The following RNF10 variants were observed in gnomAD, a reference collection of about 807,000 sequenced individuals.
RNF10 encodes E3 ubiquitin-protein ligase RNF10.
Under a neutral mutation model 91.4 loss-of-function variants are expected in RNF10, and 38 were observed. That is an observed-to-expected ratio of 0.42 (90% CI 0.32 to 0.54). RNF10 has a LOEUF of 0.54. RNF10 is among the 20% of genes least tolerant of loss of function. The pLI is 0.16. For missense variants in RNF10, 945 were observed against 1,012.0 expected, an observed-to-expected ratio of 0.93 and a Z score of 0.90; for synonymous variants, 364 against 366.3, an observed-to-expected ratio of 0.99 and a Z score of 0.07.
intron 6 of RNF10, among the ~76,000 whole-genome samples, chr12:120,559,379 C>CT (rs1306475766): frequency 6.6e-6 from 1 of 150,690 alleles, no homozygotes. Context: ...GTGTGTTGTG[C>CT]TTTTTTTGTT....
intron 14 of RNF10, among the ~76,000 whole-genome samples, chr12:120,572,001 G>C (rs993979888): frequency 6.6e-6 from 1 of 151,850 alleles, no homozygotes; most frequent in Admixed American, 6.6e-5. Context: ...CTTGACATGT[G>C]CCCTTGTAAG....
Position 120,534,504 on chromosome 12 carries a change from CGGCCGGCG to C in RNF10, c.-305_-298del, listed in dbSNP as rs1870429416. 3.8e-6 allele frequency: 1 copy of C among 260,362 alleles called. No homozygotes were observed. Among genetic ancestry groups the C allele is most frequent in the African/African-American group, 2.3e-5 (1 of 43,648 alleles). The allele number at this position is 260,362 out of a possible 1,614,324, so 16.1% of individuals were successfully genotyped here. On this transcript the variant is annotated 5_prime_UTR_variant, in exon 1 of 17. Coordinates refer to ENST00000325954, the MANE Select transcript of RNF10 (RefSeq NM_014868.5). ...CGGCGGGAGAGCGTGTCCGGCCGGC[CGGCCGGCG>C]GGGCTCGCGCAACCTCCCTCGCCTC...
intron 1 of RNF10, chr12:120,539,542 C>T (rs903447380): frequency 9.8e-6 from 6 of 612,964 alleles, no homozygotes; most frequent in Non-Finnish European, 1.6e-5. Context: ...ACCTCTAGGC[C>T]GAGCCACCTG....
chr12:120,545,498 A>T (rs1267321672), intron 1 of RNF10, among the ~76,000 whole-genome samples: 1 of 151,328 alleles, frequency 6.6e-6, no homozygotes, highest in African/African-American at 2.4e-5. Context: ...GGCCATTTTT[A>T]AAAAGGATAT....
At chr12:120,575,219 A>G in intron 14 of RNF10, 1 of 174,036 alleles carries the variant, frequency 5.7e-6, no homozygotes, top group Non-Finnish European at 1.2e-5. Flanking sequence ...CTGGGCAACA[A>G]GAGCTAAACT....
intron 3 of RNF10, among the ~76,000 whole-genome samples, chr12:120,554,165 A>G (rs1292813232): frequency 6.6e-6 from 1 of 151,824 alleles, no homozygotes; most frequent in Non-Finnish European, 1.5e-5. Flanking sequence ...TCGGCCTCCC[A>G]AAGTGCTGGG....
At chr12:120,569,156 A>G (rs1876215292) in intron 13 of RNF10, among the ~76,000 whole-genome samples, 1 of 152,012 alleles carries the variant, frequency 6.6e-6, no homozygotes, top group South Asian at 2.1e-4. Context: ...TTTAGTAGAG[A>G]CAGGGTTTCT....
At chr12:120,535,169 T>C (rs938494279) in intron 1 of RNF10, among the ~76,000 whole-genome samples, 3 of 152,228 alleles carry the variant, frequency 2.0e-5, no homozygotes, top group African/African-American at 4.8e-5. Flanking sequence ...ACATTAATAC[T>C]CAAAACTGCT....
Position 120,554,741 on chromosome 12 carries a change from A to G in RNF10, c.578A>G (p.Asp193Gly). The G allele has an allele frequency of 6.2e-7, 1 of 1,613,812 alleles. No homozygotes were observed. The highest frequency in any genetic ancestry group is 8.5e-7 in the Non-Finnish European group (1 of 1,179,896). Residue 193 changes from aspartate (D) to glycine (G), a missense_variant, in exon 4 of 17, where the codon GAC becomes GGC. Asp to Gly is a moderately conservative substitution (Grantham distance 94). Coordinates refer to ENST00000325954, the MANE Select transcript of RNF10 (RefSeq NM_014868.5). ...AGCTGCCAATTTGTGGTGTCTGAAG[A>G]CCAAGACTACACAGCTCATTTTGCT... The part of the protein sequence containing the change: ...QANCQFVVSE[D>G]QDYTAHFADP...
chr12:120,538,895 C>T (rs1871193282), intron 1 of RNF10, among the ~76,000 whole-genome samples: 1 of 152,184 alleles, frequency 6.6e-6, no homozygotes, highest in South Asian at 2.1e-4. Context: ...TGCCTCTGAG[C>T]TGTAAATGGA....
chr12:120,563,596 A>G lies in RNF10; in HGVS notation c.1504A>G (p.Ser502Gly). The change falls in exon 9 of 17, where the codon AGC becomes GGC. Residue 502 changes from serine (S) to glycine (G), a missense_variant. By Grantham distance (56) the Ser-to-Gly change is moderately conservative (BLOSUM62 0). Coordinates refer to ENST00000325954, the MANE Select transcript of RNF10 (RefSeq NM_014868.5). The stretch of plus-strand genomic sequence containing the variant: ...CAAGTCAGGCTTCACACGCCTCAGC[A>G]GCTCTCCTTGTTACTACTTTTACCA... Reference protein sequence around the residue: ...ITKSGFTRLSSSPCYYFYQAE... With the variant: ...ITKSGFTRLSGSPCYYFYQAE... 6.2e-7 allele frequency: 1 copy of G among 1,608,186 alleles called. No individual in the cohort carries two copies. Among genetic ancestry groups the G allele is most frequent in the Non-Finnish European group, 8.5e-7 (1 of 1,176,834 alleles).
Position 120,565,116 on chromosome 12 carries a change from C to T in RNF10, c.1710C>T (p.Thr570=), listed in dbSNP as rs569154073. The T allele has an allele frequency of 3.7e-6, 6 of 1,614,008 alleles. No individual in the cohort carries two copies. Among genetic ancestry groups the T allele is most frequent in the East Asian group, 4.5e-5 (2 of 44,890 alleles). ...RHRYLSHLPL[T]CEFSICELAL... is the part of the protein sequence containing the mutation. ...GATATCTCTCTCACTTGCCACTCAC[C>T]TGTGAGTTCAGCATCTGTGAACTGG... Residue 570 remains threonine (T), a synonymous_variant, in exon 11 of 17, where the codon ACC becomes ACT. Transcript: ENST00000325954.
chr12:120,564,022 G>T (rs75323518), intron 10 of RNF10, 79 bp downstream of exon 10: 4 of 1,535,900 alleles, frequency 2.6e-6, no homozygotes, highest in Non-Finnish European at 3.6e-6. Context: ...GCCATCCTAA[G>T]TTCACAAACC....
intron 7 of RNF10, 92 bp from the exon 8 acceptor site, chr12:120,562,852 TC>T (rs1219190026): frequency 6.6e-7 from 1 of 1,506,944 alleles, no homozygotes; most frequent in African/African-American, 1.4e-5. Context: ...TAACTTTTGG[TC>T]CTGTTGAGAG....
At chr12:120,552,770 G>GCAC in intron 3 of RNF10, 72 bp downstream of exon 3, 6 of 1,366,800 alleles carry the variant, frequency 4.4e-6, no homozygotes, top group Non-Finnish European at 5.0e-6. Flanking sequence ...TCTGTGAGAG[G>GCAC]CTTTTTTTAA....
intron 1 of RNF10, among the ~76,000 whole-genome samples, chr12:120,535,793 T>G (rs1301005776): frequency 6.6e-6 from 1 of 152,148 alleles, no homozygotes; most frequent in Non-Finnish European, 1.5e-5. Flanking sequence ...TACCTTTAAT[T>G]GAGGGCTTAC....
At chr12:120,551,897 C>G in intron 2 of RNF10, among the ~76,000 whole-genome samples, 1 of 152,068 alleles carries the variant, frequency 6.6e-6, no homozygotes, top group Non-Finnish European at 1.5e-5. Context: ...AATTGACTCA[C>G]AGTTCTGCAG....
At chr12:120,555,667 T>C (rs1873877442) in intron 4 of RNF10, among the ~76,000 whole-genome samples, 1 of 150,094 alleles carries the variant, frequency 6.7e-6, no homozygotes, top group Admixed American at 6.7e-5. Flanking sequence ...TTTTTTTGTA[T>C]TTTTTTTTAG....
chr12:120,563,130 AG>A, intron 8 of RNF10, 60 bp downstream of exon 8: 2 of 1,609,174 alleles, frequency 1.2e-6, no homozygotes, highest in Non-Finnish European at 1.7e-6. Flanking sequence ...TTGAGCTGGT[AG>A]GCATTACTGT....
Sources: allele counts gnomAD v4.1 joint callset (sites outside exome capture counted in the v4.1 genomes callset), GRCh38; gene constraint gnomAD v4.1.1; transcripts MANE v1.5; gene names NCBI Gene and HGNC (gene_info 2026-07-23, HGNC 2026-07-21).